The following SCML2 variants were observed in gnomAD, a reference collection of about 807,000 sequenced individuals.
The protein encoded by SCML2 is sex comb on midleg-like protein 2.
SCML2 carries 6 observed loss-of-function variants against 48.4 expected under a neutral mutation model. That is an observed-to-expected ratio of 0.12 (90% CI 0.07 to 0.24). The LOEUF is 0.24. Ranked by LOEUF, SCML2 falls within the 10% of genes least tolerant of loss-of-function variation. SCML2 has a pLI of 1.00. For missense variants in SCML2, 377 were observed against 528.2 expected (o/e 0.71, Z 2.81); for synonymous variants, 181 against 189.5 (o/e 0.95, Z 0.37).
chrX:18,292,112 G>C (rs1386598632), intron 7 of SCML2, among the ~76,000 whole-genome samples: 1 of 111,486 alleles, frequency 9.0e-6, no homozygotes, highest in Non-Finnish European at 1.9e-5. Flanking sequence ...AATCTCACTA[G>C]TAATCTAAGA....
chrX:18,340,140 C>A (rs1233471407), intron 1 of SCML2, among the ~76,000 whole-genome samples: 5 of 112,270 alleles, frequency 4.5e-5, no homozygotes, highest in Non-Finnish European at 9.4e-5. Context: ...AAAGGCTGGA[C>A]ACAGTGGCTC....
chrX:18,282,443 G>A (rs985718794), intron 7 of SCML2, among the ~76,000 whole-genome samples: 1 of 111,002 alleles, frequency 9.0e-6, no homozygotes, highest in Non-Finnish European at 1.9e-5. Context: ...TTCGAGACCA[G>A]CCTGGGCAAC....
At position 18,342,769 on chromosome X, in the gene SCML2, T is replaced by C. The variant is rs1049522669; in HGVS notation, c.-24-8674A>G. ...ATCTAGCAGTTGCATCTAGAAGCTC[T>C]GAACAAGTATGGACAATCTGCAATC... On this transcript the variant is annotated intron_variant, in intron 1 of 14. Transcript: ENST00000251900. Among the ~76,000 whole-genome samples, 58 of 111,773 alleles carry C rather than the reference T, an allele frequency of 5.2e-4. 1 individual carries two copies. The highest frequency in any genetic ancestry group is 1.8e-3 in the African/African-American group (57 of 30,856).
intron 7 of SCML2, among the ~76,000 whole-genome samples, chrX:18,304,165 G>A (rs1245412147): frequency 9.0e-6 from 1 of 111,415 alleles, no homozygotes; most frequent in Non-Finnish European, 1.9e-5. Flanking sequence ...TCAGCCTCCT[G>A]AGTAGCTAGG....
chrX:18,249,476 T>C (rs1926565943), intron 11 of SCML2, among the ~76,000 whole-genome samples: 1 of 111,274 alleles, frequency 9.0e-6, no homozygotes, highest in South Asian at 3.8e-4. Context: ...TCAGGGTTTG[T>C]CTTTTTTTGA....
intron 7 of SCML2, among the ~76,000 whole-genome samples, chrX:18,286,280 T>C (rs973134889): frequency 1.1e-4 from 12 of 111,894 alleles, no homozygotes; most frequent in African/African-American, 3.9e-4. Flanking sequence ...CTAAAGAAAA[T>C]GATGATTTAA....
At chrX:18,329,586 T>C (rs1341399857) in intron 3 of SCML2, among the ~76,000 whole-genome samples, 1 of 112,730 alleles carries the variant, frequency 8.9e-6, no homozygotes, top group African/African-American at 3.2e-5. Flanking sequence ...TGCATCAGAT[T>C]CTATTACATC....
chrX:18,265,363 T>C (rs1927219911), intron 8 of SCML2, among the ~76,000 whole-genome samples: 1 of 112,488 alleles, frequency 8.9e-6, no homozygotes, highest in African/African-American at 3.2e-5. Flanking sequence ...AGTACTTTCA[T>C]TGTGGTTTTG....
At chrX:18,266,188 T>C (rs1475529683) in intron 7 of SCML2, among the ~76,000 whole-genome samples, 1 of 111,312 alleles carries the variant, frequency 9.0e-6, no homozygotes, top group East Asian at 2.8e-4. Flanking sequence ...CACATCAACA[T>C]AGAAAAACAT....
chrX:18,327,369 TCAA>T lies in SCML2; in HGVS notation c.92-2395_92-2393del, dbSNP rs1342418348. On this transcript the variant is annotated intron_variant, in intron 3 of 14. Transcript: ENST00000251900. ...TGGGCAACCAGGGGGAGACTCCGTC[TCAA>T]CAACAACAACAAAAAAAGAACAAAA... 1.1e-4 allele frequency among the ~76,000 whole-genome samples: 12 copies of T among 111,261 alleles called. No homozygotes were observed. In the South Asian group the frequency reaches 2.6e-3, roughly 25 times the overall value.
Position 18,241,362 on chromosome X carries a change from A to G in SCML2, c.1992T>C (p.Ala664=), listed in dbSNP as rs1374977378. Residue 664 remains alanine (A), a synonymous_variant, in exon 15 of 15, where the codon GCT becomes GCC. Transcript: ENST00000251900. ...TCACATCACTCTTGAGTAGGAACAGAGCCTTCCCATCAATTTCCTACAGAG... is the reference window on the plus strand; with the variant it reads ...TCACATCACTCTTGAGTAGGAACAGGGCCTTCCCATCAATTTCCTACAGAG... ...LFRQHEIDGK[A]LFLLKSDVMM... 5.2e-6 allele frequency: 6 copies of G among 1,155,118 alleles called. No individual in the cohort carries two copies. Among genetic ancestry groups the G allele is most frequent in the Non-Finnish European group, 6.9e-6 (6 of 868,026 alleles).
At chrX:18,331,259 CA>C (rs35589774) in intron 2 of SCML2, among the ~76,000 whole-genome samples, 509 of 16,099 alleles carry the variant, frequency 0.032, no homozygotes, top group African/African-American at 0.12. Flanking sequence ...GACTCCGTCT[CA>C]AAAAAAAAAA....
At chrX:18,314,045 C>A (rs1929041777) in intron 6 of SCML2, among the ~76,000 whole-genome samples, 1 of 111,892 alleles carries the variant, frequency 8.9e-6, no homozygotes, top group South Asian at 3.7e-4. Flanking sequence ...TCCATATAGT[C>A]TGCCCAAAAT....
At chrX:18,311,737 G>C (rs748489978) in intron 6 of SCML2, among the ~76,000 whole-genome samples, 1 of 112,189 alleles carries the variant, frequency 8.9e-6, no homozygotes, top group East Asian at 2.8e-4. Context: ...GGAAGCCCCT[G>C]GAAGAGTTTG....
At chrX:18,322,505 T>C (rs1929351674) in intron 5 of SCML2, among the ~76,000 whole-genome samples, 1 of 111,751 alleles carries the variant, frequency 8.9e-6, no homozygotes, top group African/African-American at 3.3e-5. Context: ...AAACAACAAA[T>C]AAACGACAAA....
chrX:18,342,933 T>C (rs1201986584), intron 1 of SCML2, among the ~76,000 whole-genome samples: 1 of 111,415 alleles, frequency 9.0e-6, no homozygotes, highest in African/African-American at 3.3e-5. Context: ...TGATTAATAG[T>C]GGAATTATTA....
rs752667875 is a variant in SCML2, at chrX:18,291,826, T to C, written c.730+13146A>G. ...ATGGAATTCAATTAATTTAATATTA[T>C]GTGTGCCTTTTGAAATTATTTAACT... On this transcript the variant is annotated intron_variant, in intron 7 of 14. Transcript: ENST00000251900. Among the ~76,000 whole-genome samples, 627 of 111,972 alleles carry C rather than the reference T, an allele frequency of 5.6e-3. 6 individuals carry two copies. The highest frequency in any genetic ancestry group is 0.019 in the African/African-American group (577 of 30,927).
intron 11 of SCML2, among the ~76,000 whole-genome samples, chrX:18,253,685 G>A (rs748690683): frequency 1.2e-4 from 13 of 111,793 alleles, no homozygotes; most frequent in Non-Finnish European, 2.4e-4. Context: ...GGAACAGAAA[G>A]ACGTGTATAG....
intron 1 of SCML2, among the ~76,000 whole-genome samples, chrX:18,354,070 C>G (rs1235102538): frequency 8.9e-6 from 1 of 112,355 alleles, no homozygotes; most frequent in East Asian, 2.9e-4. Flanking sequence ...GCCAGGAGCC[C>G]GGCGGCGCGC....
Sources: gnomAD v4.1 joint callset for allele counts (sites outside exome capture counted in the v4.1 genomes callset) on GRCh38, gnomAD v4.1.1 for gene constraint, MANE v1.5 for transcripts, NCBI Gene and HGNC (gene_info 2026-07-23, HGNC 2026-07-21) for gene names.